IPO9: variants seen among roughly 807,000 people sequenced by gnomAD.
IPO9 encodes the protein importin-9.
In IPO9, 28 loss-of-function variants were observed where a neutral mutation model predicts 128.6. The ratio of observed to expected loss-of-function variants is 0.22; its 90% CI spans 0.16 to 0.30. IPO9 has a LOEUF of 0.30. Ranked by LOEUF, IPO9 falls within the 10% of genes least tolerant of loss-of-function variation. The pLI, the probability that IPO9 is intolerant of heterozygous loss-of-function variation, is 1.00. For synonymous variants in IPO9, 455 were observed against 475.8 expected (o/e 0.96, Z 0.57); for missense variants, 935 against 1,293.9 (o/e 0.72, Z 4.26).
At chr1:201,841,863 T>G (rs564535444) in intron 1 of IPO9, among the ~76,000 whole-genome samples, 1 of 152,292 alleles carries the variant, frequency 6.6e-6, no homozygotes, top group East Asian at 1.9e-4. Context: ...TGAGTTCATA[T>G]AGGTATAAAT....
At chr1:201,852,987 G>C (rs781235018) in intron 5 of IPO9, 24 bp from the exon 6 acceptor site, 2 of 1,602,214 alleles carry the variant, frequency 1.2e-6, no homozygotes, top group Admixed American at 1.7e-5. Context: ...TGGCTATGCT[G>C]TTATGCTGTA....
At chr1:201,869,844 G>A (rs1680616630) in intron 17 of IPO9, 126 bp downstream of exon 17, 1 of 1,207,548 alleles carries the variant, frequency 8.3e-7, no homozygotes, top group African/African-American at 1.5e-5. Context: ...TATTTACTTA[G>A]CAGATTCAGG....
At chr1:201,849,300 G>A (rs1381365004) in intron 4 of IPO9, among the ~76,000 whole-genome samples, 1 of 152,114 alleles carries the variant, frequency 6.6e-6, no homozygotes, top group Non-Finnish European at 1.5e-5. Context: ...ATCCCTCCCA[G>A]AATCTGCTTT....
At chr1:201,864,051 AG>A (rs1680505811) in intron 14 of IPO9, among the ~76,000 whole-genome samples, 1 of 152,190 alleles carries the variant, frequency 6.6e-6, no homozygotes, top group Non-Finnish European at 1.5e-5. Flanking sequence ...ATCTTTTTTA[AG>A]GCTAGTGTTA....
At chr1:201,834,214 T>G (rs1679886326) in intron 1 of IPO9, among the ~76,000 whole-genome samples, 1 of 151,706 alleles carries the variant, frequency 6.6e-6, no homozygotes, top group African/African-American at 2.4e-5. Flanking sequence ...TTTCTTTTTT[T>G]TTTTTGTTGC....
chr1:201,838,169 T>C (rs1447752587), intron 1 of IPO9, among the ~76,000 whole-genome samples: 4 of 152,246 alleles, frequency 2.6e-5, no homozygotes, highest in Non-Finnish European at 5.9e-5. Flanking sequence ...CCAGAATTGG[T>C]TCACCATGTC....
At chr1:201,859,061 C>G in intron 13 of IPO9, 67 bp downstream of exon 13, 1 of 1,524,088 alleles carries the variant, frequency 6.6e-7, no homozygotes, top group African/African-American at 1.4e-5. Context: ...GGGGAGGGAT[C>G]AGCATTAGGA....
chr1:201,848,963 G>A (rs780837431), intron 4 of IPO9, among the ~76,000 whole-genome samples: 8 of 152,018 alleles, frequency 5.3e-5, no homozygotes, highest in Non-Finnish European at 1.0e-4. Context: ...GGAGCTTTTG[G>A]TATAGTTTAA....
At chr1:201,834,271 A>G (rs1679887615) in intron 1 of IPO9, among the ~76,000 whole-genome samples, 1 of 148,458 alleles carries the variant, frequency 6.7e-6, no homozygotes, top group Non-Finnish European at 1.5e-5. Context: ...TTTGTTTAAT[A>G]GGCAGGTTCA....
chr1:201,859,598 AT>A (rs1409814977), intron 13 of IPO9, among the ~76,000 whole-genome samples: 3 of 151,998 alleles, frequency 2.0e-5, no homozygotes, highest in Admixed American at 2.0e-4. Context: ...CTCAAACTTT[AT>A]TTTTGGCCAA....
rs969603080 is a variant in IPO9, at chr1:201,829,549, G to A, written c.163+177G>A. 18 of 484,244 alleles carry A rather than the reference G, an allele frequency of 3.7e-5. No homozygotes were observed. In the Admixed American group the frequency reaches 4.6e-4, roughly 12 times the overall value. The allele number at this position is 484,244 out of a possible 1,614,324, so 30.0% of individuals were successfully genotyped here. A position where few individuals can be genotyped will look rare whatever the true frequency, so the allele number is the denominator to read the frequency against. ...GTTGTGAAAGTCCGAGAGAGGAGAG[G>A]CGCGCCTGAAGGATAGGGTCGGGGG... On this transcript the variant is annotated intron_variant, in intron 1 of 23. Transcript: ENST00000361565.
At chr1:201,863,719 C>A in intron 14 of IPO9, 112 bp downstream of exon 14, 1 of 989,146 alleles carries the variant, frequency 1.0e-6, no homozygotes, top group Non-Finnish European at 1.4e-6. Context: ...TAATGATATC[C>A]TTCAGGGTGA....
At chr1:201,866,323 T>C (rs1285078295) in intron 14 of IPO9, among the ~76,000 whole-genome samples, 1 of 152,136 alleles carries the variant, frequency 6.6e-6, no homozygotes, top group Non-Finnish European at 1.5e-5. Context: ...TTGTATCATA[T>C]TGGACATGAT....
intron 1 of IPO9, among the ~76,000 whole-genome samples, chr1:201,839,229 C>T (rs1240182974): frequency 1.4e-5 from 2 of 142,348 alleles, no homozygotes; most frequent in Non-Finnish European, 3.1e-5. Flanking sequence ...CTAGAGGAAA[C>T]TTTTTGAGAC....
intron 6 of IPO9, 79 bp downstream of exon 6, chr1:201,853,176 A>G: frequency 1.8e-6 from 2 of 1,114,598 alleles, no homozygotes; most frequent in South Asian, 2.5e-5. Context: ...ATTTCATGAT[A>G]GCAGCACGAA....
At chr1:201,851,705 C>A (rs1039615334) in intron 4 of IPO9, among the ~76,000 whole-genome samples, 1 of 151,992 alleles carries the variant, frequency 6.6e-6, no homozygotes, top group Non-Finnish European at 1.5e-5. Flanking sequence ...GCTTGCCAAG[C>A]GAAAGTACTG....
At chr1:201,867,951 A>G (rs1558224019) in intron 15 of IPO9, among the ~76,000 whole-genome samples, 1 of 152,206 alleles carries the variant, frequency 6.6e-6, no homozygotes, top group Non-Finnish European at 1.5e-5. Context: ...AAATGGGTAT[A>G]TCATAATTTA....
intron 1 of IPO9, among the ~76,000 whole-genome samples, chr1:201,839,327 G>A (rs903672150): frequency 6.9e-6 from 1 of 144,628 alleles, no homozygotes; most frequent in African/African-American, 2.6e-5. Flanking sequence ...AGTGATTCTC[G>A]TGCCTCAGCC....
intron 13 of IPO9, among the ~76,000 whole-genome samples, chr1:201,861,523 G>A (rs541852390): frequency 3.9e-5 from 6 of 152,284 alleles, no homozygotes; most frequent in South Asian, 4.1e-4. Flanking sequence ...AGGTAGGCCC[G>A]GCTAAGCTGT....
Sources: gnomAD v4.1 joint callset for allele counts (sites outside exome capture counted in the v4.1 genomes callset) on GRCh38, gnomAD v4.1.1 for gene constraint, MANE v1.5 for transcripts, NCBI Gene and HGNC (gene_info 2026-07-23, HGNC 2026-07-21) for gene names.